Variants in ZDHHC14 observed in about 807,000 individuals in gnomAD.
ZDHHC14 encodes palmitoyltransferase ZDHHC14.
A neutral mutation model predicts 47.7 loss-of-function variants in ZDHHC14; 16 were observed. That is an observed-to-expected ratio of 0.34 (90% CI 0.23 to 0.51). ZDHHC14 has a LOEUF of 0.51. ZDHHC14 is among the 20% of genes least tolerant of loss of function. The pLI, the probability that ZDHHC14 is intolerant of heterozygous loss-of-function variation, is 0.97. For missense variants in ZDHHC14, 515 were observed against 662.5 expected (o/e 0.78, Z 2.44); for synonymous variants, 293 against 278.9 (o/e 1.05, Z -0.50).
chr6:157,604,866 C>T (rs1028680541), intron 3 of ZDHHC14, among the ~76,000 whole-genome samples: 8 of 152,254 alleles, frequency 5.3e-5, no homozygotes, highest in South Asian at 2.1e-4. Context: ...TTGCTAGGTG[C>T]GCAGTAATCT....
chr6:157,603,989 A>G (rs1234625411), intron 3 of ZDHHC14, among the ~76,000 whole-genome samples: 1 of 152,198 alleles, frequency 6.6e-6, no homozygotes, highest in East Asian at 1.9e-4. Flanking sequence ...GGATTCAACC[A>G]ACCTCGAATC....
chr6:157,505,907 A>G (rs1007695063), intron 1 of ZDHHC14, among the ~76,000 whole-genome samples: 9 of 152,224 alleles, frequency 5.9e-5, no homozygotes, highest in Non-Finnish European at 1.2e-4. Flanking sequence ...AGTGCACCCA[A>G]GTGCTGAAAC....
At chr6:157,452,689 G>GTTTTTT (rs1778828593) in intron 1 of ZDHHC14, among the ~76,000 whole-genome samples, 1 of 121,696 alleles carries the variant, frequency 8.2e-6, no homozygotes, top group Non-Finnish European at 1.7e-5. Context: ...AATACATGGG[G>GTTTTTT]ATTTTTTTTT....
intron 1 of ZDHHC14, among the ~76,000 whole-genome samples, chr6:157,510,552 T>G (rs186030669): frequency 6.6e-6 from 1 of 152,308 alleles, no homozygotes; most frequent in Non-Finnish European, 1.5e-5. Flanking sequence ...TTCTGGAACT[T>G]TCTTTTCTCA....
chr6:157,655,387 T>C (rs1003504072), intron 8 of ZDHHC14, among the ~76,000 whole-genome samples: 1 of 152,166 alleles, frequency 6.6e-6, no homozygotes, highest in Admixed American at 6.5e-5. Flanking sequence ...ATTTGTGGGT[T>C]CAAAACTAGC....
At chr6:157,481,679 G>A (rs1255044073) in intron 1 of ZDHHC14, among the ~76,000 whole-genome samples, 1 of 152,066 alleles carries the variant, frequency 6.6e-6, no homozygotes, top group Non-Finnish European at 1.5e-5. Context: ...TAACACAAAC[G>A]TCACCTCTTC....
chr6:157,460,794 G>T (rs1330571723), intron 1 of ZDHHC14, among the ~76,000 whole-genome samples: 2 of 152,210 alleles, frequency 1.3e-5, no homozygotes, highest in Non-Finnish European at 2.9e-5. Context: ...TATGGCTGGG[G>T]ATGGGTTAGA....
rs557592345 is a variant in ZDHHC14, at chr6:157,610,090, A to G, written c.565+16944A>G. ...ATAGAGGCCCACGCAGTGACCCCCA[A>G]CCACCTTAAATATTCACAGACAGCT... is the stretch of plus-strand genomic sequence containing the variant. On this transcript the variant is annotated intron_variant, in intron 3 of 8. Transcript: ENST00000359775. Among the ~76,000 whole-genome samples the G allele has an allele frequency of 4.6e-5, 7 of 152,322 alleles. No homozygotes were observed. The East Asian group carries it at 5.8e-4, about 13-fold the overall frequency.
chr6:157,457,774 T>G (rs952055165), intron 1 of ZDHHC14, among the ~76,000 whole-genome samples: 2 of 152,198 alleles, frequency 1.3e-5, no homozygotes, highest in African/African-American at 4.8e-5. Context: ...TGAGTGGGTC[T>G]CATCCACTGG....
At chr6:157,529,143 G>A (rs185691679) in intron 1 of ZDHHC14, 1 of 154,878 alleles carries the variant, frequency 6.5e-6, no homozygotes, top group Admixed American at 6.5e-5. Context: ...CATTCCTGCT[G>A]GTCAGGAGTG....
chr6:157,575,263 TG>T (rs1383348720), intron 2 of ZDHHC14, among the ~76,000 whole-genome samples: 4 of 152,252 alleles, frequency 2.6e-5, no homozygotes, highest in African/African-American at 9.6e-5. Context: ...CAAAGTCTGC[TG>T]ATTTAAATGT....
intron 3 of ZDHHC14, among the ~76,000 whole-genome samples, chr6:157,610,828 C>A (rs543959034): frequency 6.6e-6 from 1 of 152,332 alleles, no homozygotes; most frequent in African/African-American, 2.4e-5. Context: ...GCTTCTCTGC[C>A]TGGTATCAAG....
chr6:157,517,748 T>G (rs1038287856), intron 1 of ZDHHC14, among the ~76,000 whole-genome samples: 3 of 152,268 alleles, frequency 2.0e-5, no homozygotes, highest in African/African-American at 7.2e-5. Context: ...GTCCCTGCCC[T>G]GCCTCGCCCT....
At chr6:157,540,947 G>A (rs1461691080) in intron 1 of ZDHHC14, among the ~76,000 whole-genome samples, 1 of 124,816 alleles carries the variant, frequency 8.0e-6, no homozygotes, top group African/African-American at 4.0e-5. Flanking sequence ...TTCATACCAG[G>A]GTAATTTCAT....
At chr6:157,652,996 A>G (rs1777910238) in intron 7 of ZDHHC14, among the ~76,000 whole-genome samples, 1 of 152,170 alleles carries the variant, frequency 6.6e-6, no homozygotes, top group Admixed American at 6.5e-5. Context: ...GGGGCAGGAA[A>G]AGTGACTTAG....
At chr6:157,546,578 AGG>A in intron 2 of ZDHHC14, among the ~76,000 whole-genome samples, 1 of 152,268 alleles carries the variant, frequency 6.6e-6, no homozygotes, top group East Asian at 1.9e-4. Flanking sequence ...CCGATGACTT[AGG>A]GTGCAGCTAA....
At chr6:157,547,754 C>G (rs760530203) in intron 2 of ZDHHC14, among the ~76,000 whole-genome samples, 1 of 144,074 alleles carries the variant, frequency 6.9e-6, no homozygotes, top group Admixed American at 7.0e-5. Flanking sequence ...AAATTTATAA[C>G]TAAGATTTTT....
At chr6:157,424,918 C>T (rs1009568098) in intron 1 of ZDHHC14, among the ~76,000 whole-genome samples, 7 of 152,224 alleles carry the variant, frequency 4.6e-5, no homozygotes, top group Admixed American at 6.5e-5. Flanking sequence ...CTAGGTCACC[C>T]GCCAGCCCGC....
intron 1 of ZDHHC14, among the ~76,000 whole-genome samples, chr6:157,485,867 G>T (rs1779765831): frequency 1.3e-5 from 2 of 152,052 alleles, no homozygotes; most frequent in Non-Finnish European, 2.9e-5. Context: ...AAAAATATTA[G>T]CTGGGTGTGG....
Sources: gnomAD v4.1 joint callset for allele counts (sites outside exome capture counted in the v4.1 genomes callset) on GRCh38, gnomAD v4.1.1 for gene constraint, MANE v1.5 for transcripts, NCBI Gene and HGNC (gene_info 2026-07-23, HGNC 2026-07-21) for gene names.